The following DDX10 variants were observed in gnomAD, a reference collection of about 807,000 sequenced individuals.
DDX10 encodes the protein probable ATP-dependent RNA helicase DDX10.
DDX10 carries 74 observed loss-of-function variants against 104.3 expected under a neutral mutation model. That is an observed-to-expected ratio of 0.71 (90% CI 0.59 to 0.86). The LOEUF (loss-of-function observed/expected upper bound fraction) is 0.86. DDX10 is among the 40% of genes least tolerant of loss of function. The pLI is 0.00. For missense variants in DDX10, 952 were observed against 1,040.0 expected (o/e 0.92, Z 1.16); for synonymous variants, 351 against 353.4 (o/e 0.99, Z 0.08).
chr11:108,875,718 G>A (rs942138358), intron 16 of DDX10, among the ~76,000 whole-genome samples: 1 of 152,170 alleles, frequency 6.6e-6, no homozygotes, highest in Non-Finnish European at 1.5e-5. Flanking sequence ...GTCTGCGTTG[G>A]CTTTCCAGTT....
intron 13 of DDX10, among the ~76,000 whole-genome samples, chr11:108,810,720 A>C (rs947161148): frequency 6.6e-6 from 1 of 152,280 alleles, no homozygotes; most frequent in South Asian, 2.1e-4. Context: ...TGCACACACA[A>C]ACACACACAC....
intron 13 of DDX10, among the ~76,000 whole-genome samples, chr11:108,770,590 T>A (rs1030571579): frequency 6.6e-6 from 1 of 150,774 alleles, no homozygotes; most frequent in African/African-American, 2.4e-5. Flanking sequence ...GATTTTTAGA[T>A]CCTACTAATA....
chr11:108,896,822 G>A lies in DDX10; in HGVS notation c.2305-21051G>A, dbSNP rs371192822. 6.6e-5 allele frequency among the ~76,000 whole-genome samples: 10 copies of A among 152,012 alleles called. No homozygotes were observed. In the East Asian group the frequency reaches 1.9e-3, roughly 29 times the overall value. ...CCTTACATGATAGTGACATTGTCTG[G>A]CCTTGACTAGAAGACTAAGAAACTA... On this transcript the variant is annotated intron_variant, in intron 16 of 17. Coordinates refer to ENST00000322536, the MANE Select transcript of DDX10 (RefSeq NM_004398.4).
intron 6 of DDX10, among the ~76,000 whole-genome samples, chr11:108,687,784 G>C (rs1437792977): frequency 6.6e-6 from 1 of 152,090 alleles, no homozygotes; most frequent in African/African-American, 2.4e-5. Context: ...TAATTTTAAT[G>C]AAGTCCAGCT....
intron 16 of DDX10, among the ~76,000 whole-genome samples, chr11:108,876,826 G>T (rs1410493143): frequency 2.6e-5 from 4 of 152,106 alleles, no homozygotes; most frequent in African/African-American, 9.7e-5. Context: ...TCATATCAAA[G>T]ACCAGCATAT....
intron 1 of DDX10, among the ~76,000 whole-genome samples, chr11:108,671,104 G>A (rs1045661159): frequency 1.1e-4 from 16 of 152,162 alleles, no homozygotes; most frequent in African/African-American, 3.6e-4. Flanking sequence ...TGTAGACTGA[G>A]TATGAGTATT....
In DDX10 at chr11:108,841,363, G is replaced by A; in HGVS notation, c.2134G>A (p.Glu712Lys). ...QMQKSAIKDAEEDDDTGGINL... is the reference protein window; with the variant it reads ...QMQKSAIKDAKEDDDTGGINL... ...GCAGAAATCTGCCATCAAGGATGCT[G>A]AGGAAGATGATGACACAGGTGGTAT... Residue 712 changes from glutamate to lysine, a missense_variant, in exon 15 of 18, where the codon GAG (glutamate) becomes AAG (lysine). Physicochemically the swap from Glu to Lys is moderately conservative, Grantham distance 56. Transcript: ENST00000322536. 2 of 1,613,724 alleles carry A rather than the reference G, an allele frequency of 1.2e-6. No homozygotes were observed. Among genetic ancestry groups the A allele is most frequent in the Non-Finnish European group, 1.7e-6 (2 of 1,179,854 alleles).
Position 108,763,081 on chromosome 11 carries a change from C to G in DDX10, c.1965+39619C>G, listed in dbSNP as rs2094352550. On this transcript the variant is annotated intron_variant, in intron 13 of 17. Coordinates refer to ENST00000322536, the MANE Select transcript of DDX10 (RefSeq NM_004398.4). ...CTGTTCTCATTGATCCTTGAGCAGG[C>G]TTCACTACAGTGCATACCTCCCCAC... Among the ~76,000 whole-genome samples, 2 of 152,162 alleles carry G rather than the reference C, an allele frequency of 1.3e-5. 1 individual carries two copies. The highest frequency in any genetic ancestry group is 3.9e-4 in the East Asian group (2 of 5,186).
intron 15 of DDX10, among the ~76,000 whole-genome samples, chr11:108,846,668 ATTGT>A (rs1307089136): frequency 1.3e-5 from 2 of 152,170 alleles, no homozygotes; most frequent in East Asian, 3.8e-4. Flanking sequence ...TATTTAATCC[ATTGT>A]TTGTTGATGG....
At position 108,803,259 on chromosome 11, in the gene DDX10, A is replaced by ATT. The variant is rs5794606; in HGVS notation, c.1966-35173_1966-35172dup. Among the ~76,000 whole-genome samples the ATT allele has an allele frequency of 8.1e-3, 1,188 of 146,802 alleles. 7 individuals carry two copies. Among genetic ancestry groups the ATT allele is most frequent in the African/African-American group, 0.024 (956 of 40,042 alleles). On this transcript the variant is annotated intron_variant, in intron 13 of 17. Coordinates refer to ENST00000322536, the MANE Select transcript of DDX10 (RefSeq NM_004398.4). ...AGGTGAATAATATTACCTAGTAGCA[A>ATT]TTTTTTTTTTTTTTTAAAGAACCTT...
At position 108,907,008 on chromosome 11, in the gene DDX10, T is replaced by C. The variant is rs573079134; in HGVS notation, c.2305-10865T>C. On this transcript the variant is annotated intron_variant, in intron 16 of 17. Transcript: ENST00000322536. ...CCAGGAAGTGTGCAGTAAACAGTTG[T>C]TAAATGAATATTCCAAGTTCCGAAG... Among the ~76,000 whole-genome samples the C allele has an allele frequency of 2.0e-4, 30 of 152,332 alleles. No homozygotes were observed. The Middle Eastern group carries it at 0.017, about 86-fold the overall frequency.
intron 13 of DDX10, among the ~76,000 whole-genome samples, chr11:108,772,287 A>G (rs371825361): frequency 6.6e-6 from 1 of 152,208 alleles, no homozygotes. Context: ...TATAATTAAA[A>G]ATCTTGAGAT....
intron 9 of DDX10, among the ~76,000 whole-genome samples, chr11:108,706,354 AT>A (rs5794601): frequency 0.12 from 18,629 of 151,860 alleles, 1,560 homozygotes; most frequent in East Asian, 0.27. Context: ...AGAGGAATTG[AT>A]TTTTTTTTAA....
chr11:108,762,285 G>A (rs983142150), intron 13 of DDX10, among the ~76,000 whole-genome samples: 1 of 152,146 alleles, frequency 6.6e-6, no homozygotes, highest in Admixed American at 6.5e-5. Context: ...TGAGGAAATT[G>A]GCAGTTATTC....
chr11:108,908,128 T>C lies in DDX10; in HGVS notation c.2305-9745T>C, dbSNP rs568764412. Among the ~76,000 whole-genome samples the C allele has an allele frequency of 2.0e-5, 3 of 152,350 alleles. No individual in the cohort carries two copies. The South Asian group carries it at 6.2e-4, about 32-fold the overall frequency. On this transcript the variant is annotated intron_variant, in intron 16 of 17. Transcript: ENST00000322536. ...AAAAAATTTTAATTTCTTCTCTAAA[T>C]AATTTAGTGCCTAGGATTTATAGCT...
chr11:108,704,410 T>A (rs1289117488), intron 9 of DDX10, among the ~76,000 whole-genome samples: 1 of 152,216 alleles, frequency 6.6e-6, no homozygotes, highest in Non-Finnish European at 1.5e-5. Flanking sequence ...CTGAAGGTAA[T>A]TCGCTTAACC....
intron 16 of DDX10, among the ~76,000 whole-genome samples, chr11:108,874,275 T>C (rs562276193): frequency 6.6e-6 from 1 of 152,332 alleles, no homozygotes; most frequent in South Asian, 2.1e-4. Flanking sequence ...ATTAGAACTG[T>C]TGAGAAACAG....
At chr11:108,913,656 C>T (rs1361064663) in intron 16 of DDX10, among the ~76,000 whole-genome samples, 1 of 152,120 alleles carries the variant, frequency 6.6e-6, no homozygotes, top group African/African-American at 2.4e-5. Flanking sequence ...TTTGCCGTCC[C>T]TATTTTCCTT....
At chr11:108,692,123 C>G in intron 8 of DDX10, 85 bp downstream of exon 8, 1 of 1,238,350 alleles carries the variant, frequency 8.1e-7, no homozygotes, top group Non-Finnish European at 1.1e-6. Flanking sequence ...ATCTGATAGA[C>G]TCAAACACTT....
Sources: allele counts gnomAD v4.1 joint callset (sites outside exome capture counted in the v4.1 genomes callset), GRCh38; gene constraint gnomAD v4.1.1; transcripts MANE v1.5; gene names NCBI Gene and HGNC (gene_info 2026-07-23, HGNC 2026-07-21).